HTR2C: variants seen among roughly 807,000 people sequenced by gnomAD.
The protein encoded by HTR2C is 5-hydroxytryptamine (serotonin) receptor 2C, G protein-coupled.
Under a neutral mutation model 21.0 loss-of-function variants are expected in HTR2C, and 5 were observed. That is an observed-to-expected ratio of 0.24 (90% confidence interval 0.12 to 0.50). HTR2C has a LOEUF of 0.50. Ranked by LOEUF, HTR2C falls within the 20% of genes least tolerant of loss-of-function variation. HTR2C has a pLI of 0.98. For missense variants in HTR2C, 271 were observed against 371.2 expected (o/e 0.73, Z 2.22); for synonymous variants, 150 against 145.3 (o/e 1.03, Z -0.23).
intron 2 of HTR2C, among the ~76,000 whole-genome samples, chrX:114,696,751 T>A (rs1932289808): frequency 9.8e-6 from 1 of 101,596 alleles, no homozygotes; most frequent in African/African-American, 3.6e-5. Context: ...AACTATACGA[T>A]GTTAATGATA....
chrX:114,754,237 T>C (rs1556429052), intron 4 of HTR2C, among the ~76,000 whole-genome samples: 1 of 111,559 alleles, frequency 9.0e-6, no homozygotes, highest in Non-Finnish European at 1.9e-5. Flanking sequence ...ACTTCTCAAA[T>C]TTATTTAATG....
chrX:114,772,810 A>G (rs1337619967), intron 4 of HTR2C, among the ~76,000 whole-genome samples: 1 of 111,720 alleles, frequency 9.0e-6, no homozygotes, highest in Non-Finnish European at 1.9e-5. Flanking sequence ...ACTTGGATTT[A>G]CTTTGGGATG....
chrX:114,904,427 T>C lies in HTR2C; in HGVS notation c.551-2162T>C, dbSNP rs2071357912. ...AATACTTCATCTGTAAGTGTTTTAG[T>C]ATGTATATCAAAAAATAAAAGAGCT... On this transcript the variant is annotated intron_variant, in intron 5 of 5. Transcript: ENST00000276198. Among the ~76,000 whole-genome samples, 3 of 111,430 alleles carry C rather than the reference T, an allele frequency of 2.7e-5. No individual in the cohort carries two copies. The South Asian group carries it at 1.1e-3, about 41-fold the overall frequency.
At chrX:114,852,697 T>C (rs1246220142) in intron 5 of HTR2C, among the ~76,000 whole-genome samples, 2 of 110,930 alleles carry the variant, frequency 1.8e-5, no homozygotes, top group Non-Finnish European at 3.8e-5. Flanking sequence ...TTAACCAATC[T>C]TCTGTGTATA....
At chrX:114,685,958 G>A (rs1931900202) in intron 2 of HTR2C, among the ~76,000 whole-genome samples, 1 of 110,879 alleles carries the variant, frequency 9.0e-6, no homozygotes, top group Admixed American at 9.7e-5. Flanking sequence ...AGGGAAATTG[G>A]CCTGATCATC....
intron 4 of HTR2C, among the ~76,000 whole-genome samples, chrX:114,738,684 T>C (rs1304053897): frequency 9.1e-6 from 1 of 110,446 alleles, no homozygotes; most frequent in African/African-American, 3.3e-5. Flanking sequence ...CAAAACCTAA[T>C]GCATGCAGGG....
At chrX:114,805,405 C>CT (rs1556448342) in intron 4 of HTR2C, among the ~76,000 whole-genome samples, 37 of 29,354 alleles carry the variant, frequency 1.3e-3, no homozygotes, top group Non-Finnish European at 2.5e-3. Flanking sequence ...TGTCTCCACC[C>CT]CTTTTTTTTT....
chrX:114,714,263 G>A (rs1347475097), intron 2 of HTR2C, among the ~76,000 whole-genome samples: 3 of 111,784 alleles, frequency 2.7e-5, no homozygotes, highest in African/African-American at 9.7e-5. Context: ...TTCTACCTGA[G>A]AATTAAACCA....
chrX:114,899,273 G>A (rs1389896645), intron 5 of HTR2C, among the ~76,000 whole-genome samples: 3 of 111,599 alleles, frequency 2.7e-5, no homozygotes, highest in Non-Finnish European at 5.6e-5. Flanking sequence ...CCAAACCAGT[G>A]GGTCTTATCT....
At chrX:114,879,597 C>T (rs1217627734) in intron 5 of HTR2C, among the ~76,000 whole-genome samples, 1 of 110,306 alleles carries the variant, frequency 9.1e-6, no homozygotes, top group Non-Finnish European at 1.9e-5. Flanking sequence ...TCTTTTATTC[C>T]TCACCCGCCT....
Position 114,719,186 on chromosome X carries a change from A to G in HTR2C, c.-79-7672A>G, listed in dbSNP as rs187011060. On this transcript the variant is annotated intron_variant, in intron 2 of 5. Coordinates refer to ENST00000276198, the MANE Select transcript of HTR2C (RefSeq NM_000868.4). Reference sequence around the variant, plus strand: ...AAGTGATTTTAAAAAAATTTTACAAAACACAATCCTTCACAAATTTGAAAA... The same window carrying G: ...AAGTGATTTTAAAAAAATTTTACAAGACACAATCCTTCACAAATTTGAAAA... 1.4e-3 allele frequency among the ~76,000 whole-genome samples: 156 copies of G among 109,304 alleles called. 1 individual carries two copies. Among genetic ancestry groups the G allele is most frequent in the Admixed American group, 3.0e-3 (30 of 9,929 alleles). 94.9% of individuals were successfully genotyped at this position (109,304 alleles called of 115,157 possible).
At chrX:114,850,504 T>C (rs2070908499) in intron 5 of HTR2C, among the ~76,000 whole-genome samples, 1 of 111,100 alleles carries the variant, frequency 9.0e-6, no homozygotes, top group Non-Finnish European at 1.9e-5. Context: ...AAGATTATTA[T>C]AAAATATTAA....
intron 5 of HTR2C, among the ~76,000 whole-genome samples, chrX:114,866,077 A>G (rs1455346599): frequency 2.7e-5 from 3 of 111,639 alleles, no homozygotes; most frequent in South Asian, 7.4e-4. Context: ...TCGGCCTCCC[A>G]AAGTGCTGGG....
intron 1 of HTR2C, among the ~76,000 whole-genome samples, chrX:114,613,342 G>A (rs1424536830): frequency 8.9e-6 from 1 of 111,783 alleles, no homozygotes; most frequent in African/African-American, 3.3e-5. Context: ...TCCTGATGTT[G>A]CCATGGCATT....
chrX:114,601,191 G>T (rs1225223205), intron 1 of HTR2C, among the ~76,000 whole-genome samples: 1 of 110,920 alleles, frequency 9.0e-6, no homozygotes, highest in African/African-American at 3.3e-5. Context: ...CTATATGCTG[G>T]TACAATTTAA....
chrX:114,762,002 A>ACG lies in HTR2C; in HGVS notation c.349+30395_349+30396insCG, dbSNP rs2069881934. The stretch of plus-strand genomic sequence containing the variant: ...ACGTGTATATATACTATATATACAC[A>ACG]TATATATAGTATATATACTATTTGT... On this transcript the variant is annotated intron_variant, in intron 4 of 5. Transcript: ENST00000276198. 3.0e-4 allele frequency among the ~76,000 whole-genome samples: 2 copies of ACG among 6,640 alleles called. 1 individual carries two copies. Among genetic ancestry groups the ACG allele is most frequent in the Non-Finnish European group, 6.1e-4 (2 of 3,261 alleles). The allele number at this position is 6,640 out of a possible 115,157, so 5.8% of individuals were successfully genotyped here. A position where few individuals can be genotyped will look rare whatever the true frequency, so the allele number is the denominator to read the frequency against.
rs1313619452 is a variant in HTR2C, at chrX:114,807,124, A to G, written c.350-40879A>G. 1.7e-4 allele frequency among the ~76,000 whole-genome samples: 3 copies of G among 17,611 alleles called. 1 individual carries two copies. The highest frequency in any genetic ancestry group is 3.7e-3 in the South Asian group (1 of 271). The allele number at this position is 17,611 out of a possible 115,157, so 15.3% of individuals were successfully genotyped here. On this transcript the variant is annotated intron_variant, in intron 4 of 5. Coordinates refer to ENST00000276198, the MANE Select transcript of HTR2C (RefSeq NM_000868.4). The stretch of plus-strand genomic sequence containing the variant: ...TATACACCATGTATATATATACCAT[A>G]TATACACCATATATATACCATATAT...
chrX:114,708,290 C>T (rs1932833903), intron 2 of HTR2C, among the ~76,000 whole-genome samples: 1 of 111,618 alleles, frequency 9.0e-6, no homozygotes, highest in Non-Finnish European at 1.9e-5. Flanking sequence ...TCAGATTAAA[C>T]AAAGGCACAG....
chrX:114,694,563 A>T (rs1358461282), intron 2 of HTR2C, among the ~76,000 whole-genome samples: 1 of 102,809 alleles, frequency 9.7e-6, no homozygotes, highest in Non-Finnish European at 2.0e-5. Context: ...ATCTCGGCTT[A>T]CTGCAACCTC....
Sources: allele counts gnomAD v4.1 joint callset (sites outside exome capture counted in the v4.1 genomes callset), GRCh38; gene constraint gnomAD v4.1.1; transcripts MANE v1.5; gene names NCBI Gene and HGNC (gene_info 2026-07-23, HGNC 2026-07-21).